Variants in CDH4 observed in about 807,000 individuals in gnomAD.
The protein encoded by CDH4 is cadherin 4.
Under a neutral mutation model 86.0 loss-of-function variants are expected in CDH4, and 33 were observed. The observed-to-expected ratio is 0.38, with a 90% CI of 0.29 to 0.51. The LOEUF is 0.51. CDH4 is among the 20% of genes least tolerant of loss of function. The pLI, the probability that CDH4 is intolerant of heterozygous loss-of-function variation, is 0.86. For synonymous variants in CDH4, 555 were observed against 549.4 expected (o/e 1.01, Z -0.14); for missense variants, 1,114 against 1,307.4 (o/e 0.85, Z 2.28).
Position 61,628,936 on chromosome 20 carries a change from C to T in CDH4, c.170-114627C>T, listed in dbSNP as rs536309136. Reference sequence around the variant, plus strand: ...CTCACTTTCATATCTCATCACCATCCCTGGCCGTGCGCTGCATACAGTGGA... The same window carrying T: ...CTCACTTTCATATCTCATCACCATCTCTGGCCGTGCGCTGCATACAGTGGA... On this transcript the variant is annotated intron_variant, in intron 2 of 15. Transcript: ENST00000614565. Among the ~76,000 whole-genome samples the T allele has an allele frequency of 3.3e-5, 5 of 152,374 alleles. No homozygotes were observed. The East Asian group carries it at 9.6e-4, about 29-fold the overall frequency.
At chr20:61,930,903 TCTGTGGGCAGGG>T (rs1008274197) in intron 13 of CDH4, among the ~76,000 whole-genome samples, 3 of 152,148 alleles carry the variant, frequency 2.0e-5, no homozygotes, top group Non-Finnish European at 4.4e-5. Context: ...CAGAGCACCC[TCTGTGGGCAGGG>T]CTGTGAGACC....
At chr20:61,444,427 ATG>A (rs1460202932) in intron 2 of CDH4, among the ~76,000 whole-genome samples, 8 of 135,258 alleles carry the variant, frequency 5.9e-5, no homozygotes, top group African/African-American at 1.9e-4. Flanking sequence ...ATATATGTGT[ATG>A]TGTGTGTGGG....
intron 3 of CDH4, among the ~76,000 whole-genome samples, chr20:61,764,745 C>T (rs374369542): frequency 2.0e-5 from 3 of 152,218 alleles, no homozygotes; most frequent in Non-Finnish European, 4.4e-5. Flanking sequence ...CCCCAGCCTT[C>T]GGCTTCTAAC....
chr20:61,804,328 C>T (rs1375098138), intron 4 of CDH4, among the ~76,000 whole-genome samples: 6 of 152,126 alleles, frequency 3.9e-5, no homozygotes, highest in Non-Finnish European at 5.9e-5. Flanking sequence ...AGGACCGAGG[C>T]GGGTAGAAGT....
At chr20:61,257,176 G>C (rs1441090048) in intron 2 of CDH4, among the ~76,000 whole-genome samples, 1 of 152,208 alleles carries the variant, frequency 6.6e-6, no homozygotes, top group African/African-American at 2.4e-5. Context: ...GAGTGGCCAT[G>C]TTCCTCTGAG....
intron 2 of CDH4, among the ~76,000 whole-genome samples, chr20:61,552,231 G>A (rs2086136975): frequency 2.0e-5 from 3 of 152,130 alleles, no homozygotes; most frequent in Admixed American, 2.0e-4. Context: ...GTATATATAA[G>A]AGTCTAGTAT....
chr20:61,711,571 G>A (rs1002820901), intron 2 of CDH4, among the ~76,000 whole-genome samples: 2 of 152,122 alleles, frequency 1.3e-5, no homozygotes, highest in Non-Finnish European at 1.5e-5. Context: ...TCATAAGGAC[G>A]CTGTGAGGAC....
In CDH4 at chr20:61,864,275, C is replaced by T. The variant is rs138070492; in HGVS notation, c.878-9453C>T. On this transcript the variant is annotated intron_variant, in intron 6 of 15. Coordinates refer to ENST00000614565, the MANE Select transcript of CDH4 (RefSeq NM_001794.5). ...GCTGCCTCCTGGCCTCTGGAGCTGA[C>T]GGGGCCAGTTCTGTTGCTTCAAGCT... Among the ~76,000 whole-genome samples, 676 of 152,292 alleles carry T rather than the reference C, an allele frequency of 4.4e-3. 4 individuals are homozygous for T. Among genetic ancestry groups the T allele is most frequent in the Admixed American group, 8.9e-3 (136 of 15,302 alleles).
At chr20:61,851,422 G>T (rs996709166) in intron 5 of CDH4, among the ~76,000 whole-genome samples, 1 of 152,152 alleles carries the variant, frequency 6.6e-6, no homozygotes, top group African/African-American at 2.4e-5. Flanking sequence ...GGAATTCAGG[G>T]CCCCCCTGAT....
chr20:61,272,818 G>T (rs1368893775), intron 2 of CDH4, among the ~76,000 whole-genome samples: 1 of 149,996 alleles, frequency 6.7e-6, no homozygotes, highest in Non-Finnish European at 1.5e-5. Context: ...CATTTTGGGG[G>T]AGTACTATGT....
intron 2 of CDH4, among the ~76,000 whole-genome samples, chr20:61,552,517 T>A (rs550083263): frequency 6.6e-6 from 1 of 152,214 alleles, no homozygotes; most frequent in South Asian, 2.1e-4. Flanking sequence ...CTGGCCAACA[T>A]AGTGAAACCC....
chr20:61,426,767 G>T (rs536401300), intron 2 of CDH4, among the ~76,000 whole-genome samples: 2 of 152,324 alleles, frequency 1.3e-5, no homozygotes, highest in South Asian at 4.1e-4. Flanking sequence ...GCAGGGAATC[G>T]AGGCAGAAGC....
chr20:61,398,914 G>T (rs1418827949), intron 2 of CDH4, among the ~76,000 whole-genome samples: 1 of 152,172 alleles, frequency 6.6e-6, no homozygotes, highest in Non-Finnish European at 1.5e-5. Context: ...AGTCCTGTAG[G>T]CCCTGTTGCT....
intron 2 of CDH4, among the ~76,000 whole-genome samples, chr20:61,300,276 G>A (rs1363933452): frequency 6.6e-6 from 1 of 152,098 alleles, no homozygotes; most frequent in African/African-American, 2.4e-5. Context: ...GGGATATTAA[G>A]GGAACACTTG....
At chr20:61,753,451 A>G (rs1472330777) in intron 3 of CDH4, among the ~76,000 whole-genome samples, 2 of 152,240 alleles carry the variant, frequency 1.3e-5, no homozygotes. Flanking sequence ...CAATGCAGGC[A>G]GTGCTGGAAT....
chr20:61,252,850 CGA>C lies in CDH4; in HGVS notation c.57+281_57+282del, dbSNP rs1345773112. Among the ~76,000 whole-genome samples, 2 of 151,814 alleles carry C rather than the reference CGA, an allele frequency of 1.3e-5. No homozygotes were observed. The highest frequency in any genetic ancestry group is 4.8e-5 in the African/African-American group (2 of 41,402). On this transcript the variant is annotated intron_variant, in intron 1 of 15. Coordinates refer to ENST00000614565, the MANE Select transcript of CDH4 (RefSeq NM_001794.5). This position sits in a 1 kb window ranked among gnomAD's most constrained non-coding sequence, Gnocchi z 4.4. ...TGCACCGGACCCGCCGAGCCTCCCT[CGA>C]ACGCCCAAAGCCCGTAGCCGCTACC...
At chr20:61,540,313 C>T (rs937059322) in intron 2 of CDH4, among the ~76,000 whole-genome samples, 5 of 152,148 alleles carry the variant, frequency 3.3e-5, no homozygotes, top group African/African-American at 1.2e-4. Context: ...AAAAATGTAT[C>T]CTTTGACATG....
At chr20:61,422,274 A>G (rs2085181883) in intron 2 of CDH4, among the ~76,000 whole-genome samples, 1 of 145,482 alleles carries the variant, frequency 6.9e-6, no homozygotes, top group Non-Finnish European at 1.5e-5. Context: ...AAAATACAAA[A>G]TTAGCCAGGC....
chr20:61,403,132 A>G (rs765169023), intron 2 of CDH4, among the ~76,000 whole-genome samples: 29 of 152,182 alleles, frequency 1.9e-4, no homozygotes, highest in Non-Finnish European at 3.4e-4. Flanking sequence ...CACAGCTGTG[A>G]TAGCTGGAGG....
Sources: allele counts gnomAD v4.1 joint callset (sites outside exome capture counted in the v4.1 genomes callset), GRCh38; gene constraint gnomAD v4.1.1; non-coding constraint Gnocchi (gnomAD v3.1); transcripts MANE v1.5; gene names NCBI Gene and HGNC (gene_info 2026-07-23, HGNC 2026-07-21).